Variants in PTP4A1 observed in about 807,000 individuals in gnomAD.
PTP4A1 encodes the protein protein tyrosine phosphatase type IVA 1.
Under a neutral mutation model 20.5 loss-of-function variants are expected in PTP4A1, and 9 were observed. The ratio of observed to expected loss-of-function variants is 0.44; its 90% CI spans 0.26 to 0.77. The LOEUF is 0.77. Ranked by LOEUF, PTP4A1 falls within the 30% of genes least tolerant of loss-of-function variation. PTP4A1 has a pLI of 0.19. For synonymous variants in PTP4A1, 78 were observed against 67.4 expected (o/e 1.16, Z -0.77); for missense variants, 137 against 218.8 (o/e 0.63, Z 2.36).
At chr6:63,559,042 G>A (rs1234090825) in intron 3 of PTP4A1, among the ~76,000 whole-genome samples, 2 of 152,166 alleles carry the variant, frequency 1.3e-5, no homozygotes, top group African/African-American at 2.4e-5. Context: ...GAGGCGAGAA[G>A]GATAGATCAT....
intron 2 of PTP4A1, among the ~76,000 whole-genome samples, chr6:63,544,291 C>T (rs1309825494): frequency 6.6e-6 from 1 of 152,182 alleles, no homozygotes; most frequent in Non-Finnish European, 1.5e-5. Flanking sequence ...ATTTTAACAT[C>T]TTGCCAACAT....
chr6:63,550,301 G>C (rs867271262), exon 3 of PTP4A1: 1 of 152,154 alleles, frequency 6.6e-6, no homozygotes, highest in South Asian at 2.1e-4. Context: ...ATCAACCAGG[G>C]CAGTGTGCCC....
chr6:63,580,064 C>T lies in PTP4A1; in HGVS notation c.412C>T (p.Arg138Cys). Reference protein sequence around the residue: ...DAVQFIRQKRRGAFNSKQLLY... With the variant: ...DAVQFIRQKRCGAFNSKQLLY... ...TTTTTTTTTTCCTCCCAGAAAGCGG[C>T]GTGGAGCTTTTAACAGCAAGCAACT... The change falls in exon 6 of 6, where the codon CGT becomes TGT. Residue 138 changes from arginine (R) to cysteine (C), a missense_variant. Transcript: ENST00000626021. The T allele has an allele frequency of 6.3e-7, 1 of 1,599,792 alleles. No individual in the cohort carries two copies. The highest frequency in any genetic ancestry group is 1.1e-5 in the South Asian group (1 of 90,144).
intron 2 of PTP4A1, among the ~76,000 whole-genome samples, chr6:63,544,679 T>C (rs968778820): frequency 6.6e-6 from 1 of 152,190 alleles, no homozygotes; most frequent in African/African-American, 2.4e-5. Context: ...ACAAGCCAAT[T>C]ATACCAAGAA....
At chr6:63,559,790 C>T (rs1190152681) in intron 3 of PTP4A1, among the ~76,000 whole-genome samples, 1 of 151,986 alleles carries the variant, frequency 6.6e-6, no homozygotes, top group Non-Finnish European at 1.5e-5. Flanking sequence ...CATGGTCGTT[C>T]ATGCATATAA....
upstream of PTP4A1, among the ~76,000 whole-genome samples, chr6:63,518,560 G>C (rs1774813678): frequency 1.3e-5 from 2 of 152,262 alleles, no homozygotes; most frequent in South Asian, 2.1e-4. Flanking sequence ...GTAGGTATCA[G>C]TCAGTATTTT....
chr6:63,567,940 C>T (rs1193519238), upstream of PTP4A1, among the ~76,000 whole-genome samples: 1 of 152,196 alleles, frequency 6.6e-6, no homozygotes, highest in East Asian at 1.9e-4. Context: ...ATGAATCCAC[C>T]TCTGCTATCT....
At chr6:63,549,811 G>C (rs1310907109) in intron 2 of PTP4A1, among the ~76,000 whole-genome samples, 3 of 152,090 alleles carry the variant, frequency 2.0e-5, no homozygotes, top group Non-Finnish European at 4.4e-5. Context: ...GGCTTGGAAG[G>C]GTAGAGGGAA....
exon 2 of PTP4A1, chr6:63,527,899 C>T (rs995519218): frequency 1.3e-5 from 2 of 152,216 alleles, no homozygotes; most frequent in Non-Finnish European, 2.9e-5. Flanking sequence ...TGCTGGGATT[C>T]TGACCACAAG....
At chr6:63,564,747 T>A (rs932536144) in intron 3 of PTP4A1, among the ~76,000 whole-genome samples, 3 of 152,214 alleles carry the variant, frequency 2.0e-5, no homozygotes, top group African/African-American at 7.2e-5. Context: ...TTCTAAACAA[T>A]CACATGGAGA....
At chr6:63,552,347 T>C (rs954246519) in intron 3 of PTP4A1, among the ~76,000 whole-genome samples, 1 of 152,248 alleles carries the variant, frequency 6.6e-6, no homozygotes, top group Non-Finnish European at 1.5e-5. Flanking sequence ...GAGAAGTGTC[T>C]GTTCATGTCC....
chr6:63,528,915 C>A (rs1006977965), intron 2 of PTP4A1, among the ~76,000 whole-genome samples: 1 of 151,888 alleles, frequency 6.6e-6, no homozygotes, highest in African/African-American at 2.4e-5. Flanking sequence ...ATGGTGAAAC[C>A]CCATCTCTGC....
intron 2 of PTP4A1, chr6:63,548,793 C>A: frequency 1.4e-6 from 1 of 727,610 alleles, no homozygotes; most frequent in Non-Finnish European, 2.5e-6. Flanking sequence ...CAGGACATTG[C>A]CTCCCCAGTG....
chr6:63,553,105 G>C (rs536295001), intron 3 of PTP4A1, among the ~76,000 whole-genome samples: 1 of 152,196 alleles, frequency 6.6e-6, no homozygotes, highest in Admixed American at 6.5e-5. Flanking sequence ...ATGTATATCT[G>C]TGTATATTGA....
chr6:63,547,033 G>A (rs1189119832), intron 2 of PTP4A1, among the ~76,000 whole-genome samples: 1 of 152,054 alleles, frequency 6.6e-6, no homozygotes. Flanking sequence ...AGTAGTGATA[G>A]ATGGTTTTCA....
intron 2 of PTP4A1, among the ~76,000 whole-genome samples, chr6:63,541,582 T>A (rs766873146): frequency 5.9e-5 from 9 of 152,132 alleles, no homozygotes; most frequent in Non-Finnish European, 1.0e-4. Flanking sequence ...CTAGCACTAA[T>A]AAAGGAATAT....
intron 2 of PTP4A1, chr6:63,550,234 G>A (rs766134673): frequency 2.0e-5 from 3 of 152,018 alleles, no homozygotes; most frequent in African/African-American, 7.2e-5. Flanking sequence ...CCCCTCCCTG[G>A]ATTGCAATTA....
At position 63,557,006 on chromosome 6, in the gene PTP4A1, A is replaced by AAGCATGAAACAATTAT. The variant is rs1350765913; in HGVS notation, c.-446+6523_-446+6538dup. Among the ~76,000 whole-genome samples the AAGCATGAAACAATTAT allele has an allele frequency of 2.6e-5, 4 of 152,318 alleles. No homozygotes were observed. In the South Asian group the frequency reaches 8.3e-4, roughly 32 times the overall value. On this transcript the variant is annotated intron_variant, in intron 3 of 3. Transcript: ENST00000639568. ...GCAGTCATCCAAACATCCTGAAATC[A>AAGCATGAAACAATTAT]AGCATGAAACAATTATAGCATGAAA...
chr6:63,578,629 C>G (rs1160845936), intron 3 of PTP4A1, 100 bp downstream of exon 3: 1 of 1,413,234 alleles, frequency 7.1e-7, no homozygotes. Flanking sequence ...ATAAATAGAC[C>G]TCAAAAAGCT....
Sources: gnomAD v4.1 joint callset for allele counts (sites outside exome capture counted in the v4.1 genomes callset) on GRCh38, gnomAD v4.1.1 for gene constraint, MANE v1.5 for transcripts, NCBI Gene and HGNC (gene_info 2026-07-23, HGNC 2026-07-21) for gene names.